Variants in NLGN1 observed in about 807,000 individuals in gnomAD.
NLGN1 encodes neuroligin 1.
Under a neutral mutation model 65.5 loss-of-function variants are expected in NLGN1, and 12 were observed. The observed-to-expected ratio is 0.18, with a 90% CI of 0.12 to 0.30. The LOEUF is 0.30. NLGN1 is among the 10% of genes least tolerant of loss of function. NLGN1 has a pLI of 1.00. For synonymous variants in NLGN1, 350 were observed against 359.5 expected, an observed-to-expected ratio of 0.97 and a Z score of 0.30; for missense variants, 750 against 1,007.1, an observed-to-expected ratio of 0.74 and a Z score of 3.46.
At chr3:173,453,141 A>G (rs1458839155) in intron 2 of NLGN1, among the ~76,000 whole-genome samples, 2 of 145,816 alleles carry the variant, frequency 1.4e-5, no homozygotes, top group East Asian at 4.0e-4. Context: ...TTCTTTTTTC[A>G]TGGGCTGGGG....
intron 4 of NLGN1, among the ~76,000 whole-genome samples, chr3:174,101,734 A>T (rs1446838282): frequency 6.6e-6 from 1 of 152,156 alleles, no homozygotes; most frequent in Non-Finnish European, 1.5e-5. Flanking sequence ...ATTCATAATA[A>T]ATAGTTATCA....
At chr3:174,237,378 T>A (rs1008706172) in intron 4 of NLGN1, among the ~76,000 whole-genome samples, 3 of 152,206 alleles carry the variant, frequency 2.0e-5, no homozygotes, top group African/African-American at 7.2e-5. Context: ...CAATTTTATA[T>A]CACACTAATC....
intron 4 of NLGN1, among the ~76,000 whole-genome samples, chr3:174,169,575 G>T (rs73035626): frequency 6.4e-4 from 98 of 152,140 alleles, no homozygotes; most frequent in African/African-American, 2.2e-3. Context: ...AGAAGGATGG[G>T]TGGCTCAGGC....
chr3:174,139,344 A>C (rs1342784392), intron 4 of NLGN1, among the ~76,000 whole-genome samples: 2 of 152,170 alleles, frequency 1.3e-5, no homozygotes, highest in African/African-American at 4.8e-5. Context: ...TTCCAGGAAG[A>C]CATATAATTG....
intron 3 of NLGN1, among the ~76,000 whole-genome samples, chr3:173,750,287 C>T (rs1022110909): frequency 6.6e-6 from 1 of 151,978 alleles, no homozygotes; most frequent in African/African-American, 2.4e-5. Context: ...TATTTTACTT[C>T]GTGTTAGTGA....
At chr3:174,232,705 A>C (rs2152819374) in intron 4 of NLGN1, among the ~76,000 whole-genome samples, 1 of 152,290 alleles carries the variant, frequency 6.6e-6, no homozygotes, top group Non-Finnish European at 1.5e-5. Context: ...AAAACAGGTA[A>C]ATTAAGTTTA....
intron 3 of NLGN1, among the ~76,000 whole-genome samples, chr3:173,755,279 A>G (rs1776927380): frequency 6.6e-6 from 1 of 152,084 alleles, no homozygotes; most frequent in African/African-American, 2.4e-5. Flanking sequence ...CTATTGCATT[A>G]TTTAATGCCA....
chr3:173,971,501 A>G lies in NLGN1; in HGVS notation c.646+163669A>G, dbSNP rs576298110. On this transcript the variant is annotated intron_variant, in intron 4 of 6. Coordinates refer to ENST00000457714, the Ensembl canonical transcript of NLGN1. Reference sequence around the variant, plus strand: ...AGTTTTAATCTGAGCATATTATCACATTGCATGCAGGAAAAGAGCTGATTA... The same window carrying G: ...AGTTTTAATCTGAGCATATTATCACGTTGCATGCAGGAAAAGAGCTGATTA... Among the ~76,000 whole-genome samples, 5 of 152,222 alleles carry G rather than the reference A, an allele frequency of 3.3e-5. No individual in the cohort carries two copies. In the East Asian group the frequency reaches 9.7e-4, roughly 30 times the overall value.
intron 2 of NLGN1, among the ~76,000 whole-genome samples, chr3:173,442,962 T>G (rs1374221909): frequency 6.6e-6 from 1 of 152,110 alleles, no homozygotes; most frequent in Non-Finnish European, 1.5e-5. Context: ...TACAACCAGT[T>G]TACGGAAATG....
intron 3 of NLGN1, among the ~76,000 whole-genome samples, chr3:173,691,095 C>G (rs1765400498): frequency 6.6e-6 from 1 of 152,080 alleles, no homozygotes; most frequent in Non-Finnish European, 1.5e-5. Context: ...GAATTATATT[C>G]AAGGAATGAT....
chr3:174,111,143 T>G (rs1197480467), intron 4 of NLGN1, among the ~76,000 whole-genome samples: 1 of 151,910 alleles, frequency 6.6e-6, no homozygotes, highest in Non-Finnish European at 1.5e-5. Flanking sequence ...AACTATTAGA[T>G]TTTACATTTT....
chr3:174,266,871 C>A (rs1748354467), intron 4 of NLGN1, among the ~76,000 whole-genome samples: 1 of 152,024 alleles, frequency 6.6e-6, no homozygotes, highest in South Asian at 2.1e-4. Flanking sequence ...TTCTTGACTT[C>A]ATTTTTTTCA....
intron 4 of NLGN1, among the ~76,000 whole-genome samples, chr3:174,133,758 G>A (rs942459371): frequency 3.3e-5 from 5 of 151,944 alleles, no homozygotes; most frequent in East Asian, 1.9e-4. Context: ...GCAGATTGTC[G>A]GAAGTCCCAT....
chr3:173,756,564 T>G (rs1578281157), intron 3 of NLGN1, among the ~76,000 whole-genome samples: 1 of 151,894 alleles, frequency 6.6e-6, no homozygotes, highest in East Asian at 1.9e-4. Flanking sequence ...CTGTGTGTAC[T>G]AAAAAAGGCT....
rs528504749 is a variant in NLGN1 at position 173,458,894 on chromosome 3, A to AT, written c.-321+23821dup. 1.4e-4 allele frequency among the ~76,000 whole-genome samples: 22 copies of AT among 152,026 alleles called. No individual in the cohort carries two copies. The East Asian group carries it at 4.3e-3, about 29-fold the overall frequency. ...TTGTGTCTGCACTTAGGAGATGTTT[A>AT]TTTTTCACTATTTCACATTTCACTA... On this transcript the variant is annotated intron_variant, in intron 2 of 6. Coordinates refer to ENST00000457714, the Ensembl canonical transcript of NLGN1.
intron 3 of NLGN1, among the ~76,000 whole-genome samples, chr3:173,746,569 A>G (rs1157129608): frequency 6.6e-6 from 1 of 151,918 alleles, no homozygotes; most frequent in Admixed American, 6.6e-5. Context: ...AAAGCCCTTC[A>G]CGAAAACCAT....
intron 2 of NLGN1, among the ~76,000 whole-genome samples, chr3:173,538,202 G>T (rs1302291992): frequency 6.6e-6 from 1 of 152,142 alleles, no homozygotes; most frequent in African/African-American, 2.4e-5. Context: ...GATTCAGACC[G>T]CATACAGCCT....
At chr3:173,622,758 A>AT (rs370156777) in intron 3 of NLGN1, among the ~76,000 whole-genome samples, 1 of 152,234 alleles carries the variant, frequency 6.6e-6, no homozygotes, top group African/African-American at 2.4e-5. Flanking sequence ...GCTGAGAACT[A>AT]TTTTTTGTTG....
At chr3:173,613,983 C>CA (rs1553775889) in intron 3 of NLGN1, among the ~76,000 whole-genome samples, 1 of 137,882 alleles carries the variant, frequency 7.3e-6, no homozygotes, top group Non-Finnish European at 1.6e-5. Flanking sequence ...TCTTCTTCTT[C>CA]TTTTTTTTTT....
Sources: allele counts gnomAD v4.1 joint callset (sites outside exome capture counted in the v4.1 genomes callset), GRCh38; gene constraint gnomAD v4.1.1; transcripts MANE v1.5; gene names NCBI Gene and HGNC (gene_info 2026-07-23, HGNC 2026-07-21).